Variants in ROBO2 observed in about 807,000 individuals in gnomAD.
ROBO2 encodes roundabout homolog 2.
ROBO2 carries 53 observed loss-of-function variants against 160.8 expected under a neutral mutation model. The ratio of observed to expected loss-of-function variants is 0.33; its 90% CI spans 0.26 to 0.41. The LOEUF (loss-of-function observed/expected upper bound fraction) is 0.41, where lower values mean the gene tolerates loss of function less well. ROBO2 is among the 10% of genes least tolerant of loss of function. The pLI, the probability that ROBO2 is intolerant of heterozygous loss-of-function variation, is 1.00. For synonymous variants in ROBO2, 664 were observed against 611.7 expected, an observed-to-expected ratio of 1.09 and a Z score of -1.26; for missense variants, 1,577 against 1,722.4, an observed-to-expected ratio of 0.92 and a Z score of 1.49.
intron 2 of ROBO2, among the ~76,000 whole-genome samples, chr3:76,896,200 TGA>T (rs1173000165): frequency 6.6e-6 from 1 of 152,206 alleles, no homozygotes; most frequent in Non-Finnish European, 1.5e-5. Flanking sequence ...TAGCTGAGAA[TGA>T]GAGAAAACAT....
At chr3:76,848,819 G>A (rs2069033588) in intron 2 of ROBO2, among the ~76,000 whole-genome samples, 1 of 152,126 alleles carries the variant, frequency 6.6e-6, no homozygotes. Flanking sequence ...ACTAACATTG[G>A]TGGTTAAATT....
intron 2 of ROBO2, among the ~76,000 whole-genome samples, chr3:76,430,218 C>T (rs756616513): frequency 6.6e-6 from 1 of 152,176 alleles, no homozygotes. Context: ...TTTCCACCCA[C>T]TACCTTGGAC....
intron 2 of ROBO2, among the ~76,000 whole-genome samples, chr3:76,768,929 G>A (rs1471830691): frequency 6.6e-6 from 1 of 151,334 alleles, no homozygotes; most frequent in Non-Finnish European, 1.5e-5. Context: ...CTTGAAGATT[G>A]TTGAACAAAA....
intron 2 of ROBO2, among the ~76,000 whole-genome samples, chr3:76,655,511 T>C (rs1210157398): frequency 1.5e-5 from 2 of 136,578 alleles, no homozygotes; most frequent in Admixed American, 8.2e-5. Context: ...AGGTATTAGT[T>C]ATCTTTGTTG....
chr3:76,022,315 A>G (rs2066596984), intron 2 of ROBO2, among the ~76,000 whole-genome samples: 2 of 151,874 alleles, frequency 1.3e-5, no homozygotes, highest in Admixed American at 1.3e-4. Context: ...TATTGTTGAT[A>G]TTTTGGACTC....
At chr3:76,587,327 T>G (rs1319127637) in intron 2 of ROBO2, among the ~76,000 whole-genome samples, 1 of 152,156 alleles carries the variant, frequency 6.6e-6, no homozygotes, top group Non-Finnish European at 1.5e-5. Context: ...GGTACGTACC[T>G]GTATTAGTCC....
chr3:76,468,772 T>C (rs1325874551), intron 2 of ROBO2, among the ~76,000 whole-genome samples: 3 of 152,096 alleles, frequency 2.0e-5, no homozygotes, highest in Non-Finnish European at 4.4e-5. Flanking sequence ...TTAAACCTGT[T>C]CTATTTGTCA....
chr3:75,964,421 A>G (rs1318431967), intron 2 of ROBO2, among the ~76,000 whole-genome samples: 1 of 151,598 alleles, frequency 6.6e-6, no homozygotes, highest in Non-Finnish European at 1.5e-5. Context: ...ATTTTGTTTT[A>G]TTATTTTTGA....
chr3:77,378,691 G>C (rs368589263), intron 2 of ROBO2, among the ~76,000 whole-genome samples: 1 of 152,070 alleles, frequency 6.6e-6, no homozygotes, highest in African/African-American at 2.4e-5. Flanking sequence ...ATTTGAAATA[G>C]GCTATGTGAT....
chr3:76,724,277 A>G (rs1038923682), intron 2 of ROBO2, among the ~76,000 whole-genome samples: 7 of 152,060 alleles, frequency 4.6e-5, no homozygotes, highest in African/African-American at 1.2e-4. Context: ...TCATGCCACC[A>G]CACTCCAGCA....
chr3:77,467,047 C>T (rs2082838304), intron 2 of ROBO2, among the ~76,000 whole-genome samples: 1 of 152,148 alleles, frequency 6.6e-6, no homozygotes, highest in Non-Finnish European at 1.5e-5. Context: ...CTAATATCTT[C>T]AGATAAGGAC....
intron 2 of ROBO2, among the ~76,000 whole-genome samples, chr3:77,101,106 A>C (rs906401707): frequency 6.6e-6 from 1 of 152,226 alleles, no homozygotes; most frequent in African/African-American, 2.4e-5. Context: ...TGAAGATTGC[A>C]TTAAAGGTAT....
At chr3:77,522,697 A>G in intron 5 of ROBO2, 78 bp from the exon 6 acceptor site, 2 of 1,468,942 alleles carry the variant, frequency 1.4e-6, no homozygotes. Context: ...GTATAAAAAG[A>G]AAAATGAAGA....
At chr3:76,016,479 A>G (rs1350314811) in intron 2 of ROBO2, among the ~76,000 whole-genome samples, 2 of 152,012 alleles carry the variant, frequency 1.3e-5, no homozygotes, top group Non-Finnish European at 2.9e-5. Flanking sequence ...TCATTCTCCA[A>G]TGTCAGACAG....
At chr3:77,590,448 TCTGCCTTCATCG>T (rs1467947090) in intron 17 of ROBO2, among the ~76,000 whole-genome samples, 1 of 152,184 alleles carries the variant, frequency 6.6e-6, no homozygotes, top group Non-Finnish European at 1.5e-5. Context: ...AGTCCGGTTC[TCTGCCTTCATCG>T]CTGAAGGTAT....
chr3:76,176,210 G>A (rs2073225773), intron 2 of ROBO2, among the ~76,000 whole-genome samples: 1 of 151,970 alleles, frequency 6.6e-6, no homozygotes, highest in African/African-American at 2.4e-5. Flanking sequence ...CTCCATGCAA[G>A]CCCATCTTTG....
At chr3:77,283,849 T>C (rs949920638) in intron 2 of ROBO2, among the ~76,000 whole-genome samples, 1 of 152,194 alleles carries the variant, frequency 6.6e-6, no homozygotes, top group Non-Finnish European at 1.5e-5. Context: ...CTACTCGCAA[T>C]GCACTGACAG....
Position 76,691,994 on chromosome 3 carries a change from T to G in ROBO2, c.110-406020T>G, listed in dbSNP as rs2092811362. On this transcript the variant is annotated intron_variant, in intron 2 of 26. Transcript: ENST00000487694. ...AGGGAGAAGAACTTCAGAGAAGTAG[T>G]TGTGTGTGTAGGAGCTCATTAAACC... Among the ~76,000 whole-genome samples, 2 of 152,042 alleles carry G rather than the reference T, an allele frequency of 1.3e-5. 1 individual carries two copies.
rs5850317 is a variant in ROBO2 at position 77,221,854 on chromosome 3, CT to C, written c.388+123531del. ...TCTTTTTTCTTTTCTTTTTCTTTTT[CT>C]TTTTTTTTTTTTTTTTGAGACAGAG... On this transcript the variant is annotated intron_variant, in intron 2 of 25. Transcript: ENST00000461745. 8.6e-3 allele frequency among the ~76,000 whole-genome samples: 1,209 copies of C among 140,222 alleles called. 7 individuals are homozygous for C. The highest frequency in any genetic ancestry group is 0.023 in the African/African-American group (842 of 37,052). 92.0% of individuals were successfully genotyped at this position (140,222 alleles called of 152,430 possible).
Sources: gnomAD v4.1 joint callset for allele counts (sites outside exome capture counted in the v4.1 genomes callset) on GRCh38, gnomAD v4.1.1 for gene constraint, MANE v1.5 for transcripts, NCBI Gene and HGNC (gene_info 2026-07-23, HGNC 2026-07-21) for gene names.